MTUS2: variants seen among roughly 807,000 people sequenced by gnomAD.
MTUS2 encodes the protein microtubule-associated tumor suppressor candidate 2.
Under a neutral mutation model 114.1 loss-of-function variants are expected in MTUS2, and 40 were observed. The observed-to-expected ratio is 0.35, with a 90% CI of 0.27 to 0.46. MTUS2 has a LOEUF of 0.46. Among genes scored for constraint, MTUS2 ranks in the 20% least tolerant of loss-of-function variants. MTUS2 has a pLI of 1.00. For synonymous variants in MTUS2, 688 were observed against 672.0 expected (o/e 1.02, Z -0.37); for missense variants, 1,679 against 1,705.4 (o/e 0.98, Z 0.27).
chr13:29,265,276 A>ATT (rs35018779), intron 5 of MTUS2, among the ~76,000 whole-genome samples: 1,989 of 152,252 alleles, frequency 0.013, 28 homozygotes, highest in East Asian at 0.081. Context: ...ATTCCAATAC[A>ATT]TTCCTCATTT....
intron 5 of MTUS2, among the ~76,000 whole-genome samples, chr13:29,162,823 A>G (rs1893155703): frequency 6.6e-6 from 1 of 152,216 alleles, no homozygotes; most frequent in Non-Finnish European, 1.5e-5. Flanking sequence ...CAGCCAGATC[A>G]TCCTCTGAGA....
chr13:28,941,543 T>A (rs1882237432), intron 2 of MTUS2, among the ~76,000 whole-genome samples: 1 of 152,124 alleles, frequency 6.6e-6, no homozygotes, highest in South Asian at 2.1e-4. Flanking sequence ...TATTTTTAAA[T>A]ATTTTTGAAA....
intron 2 of MTUS2, among the ~76,000 whole-genome samples, chr13:28,910,526 C>T (rs1232439813): frequency 6.6e-6 from 1 of 152,106 alleles, no homozygotes; most frequent in Non-Finnish European, 1.5e-5. Context: ...CTTTCTTTTC[C>T]TGATGCTCTT....
At chr13:28,825,357 A>G (rs1183887941) in intron 1 of MTUS2, among the ~76,000 whole-genome samples, 4 of 152,216 alleles carry the variant, frequency 2.6e-5, no homozygotes, top group Non-Finnish European at 5.9e-5. Flanking sequence ...ACTATGATGT[A>G]TAAAAGATGT....
chr13:28,858,979 C>T (rs1341538263), intron 2 of MTUS2, among the ~76,000 whole-genome samples: 1 of 152,090 alleles, frequency 6.6e-6, no homozygotes, highest in Non-Finnish European at 1.5e-5. Flanking sequence ...TAAAGACAGC[C>T]AATAAGTTGG....
chr13:29,206,209 A>G (rs969395524), intron 5 of MTUS2, among the ~76,000 whole-genome samples: 2 of 152,200 alleles, frequency 1.3e-5, no homozygotes, highest in South Asian at 4.2e-4. Flanking sequence ...TTTATATTTG[A>G]GAATTGAGAA....
chr13:29,324,531 C>T (rs569206799), intron 6 of MTUS2, 82 bp from the exon 7 acceptor site: 1 of 1,024,796 alleles, frequency 9.8e-7, no homozygotes, highest in South Asian at 1.5e-5. Flanking sequence ...TTTCTTGAAG[C>T]CACCCTTTCC....
rs140195345 is a variant in MTUS2 at position 28,910,553 on chromosome 13, C to T, written c.-243+70703C>T. Among the ~76,000 whole-genome samples the T allele has an allele frequency of 4.4e-3, 663 of 152,178 alleles. 24 individuals are homozygous for T. Among genetic ancestry groups the T allele is most frequent in the Admixed American group, 0.039 (591 of 15,256 alleles). Reference sequence around the variant, plus strand: ...GATGCTCTTCCTCCCCCCAGCCCCCCAGCAGGCCCCAGTTTGTGTTGTTCC... The same window carrying T: ...GATGCTCTTCCTCCCCCCAGCCCCCTAGCAGGCCCCAGTTTGTGTTGTTCC... On this transcript the variant is annotated intron_variant, in intron 2 of 15. Transcript: ENST00000612955.
chr13:28,966,244 A>G (rs1883577143), intron 2 of MTUS2, among the ~76,000 whole-genome samples: 1 of 152,194 alleles, frequency 6.6e-6, no homozygotes, highest in African/African-American at 2.4e-5. Context: ...TGCAAAAAAA[A>G]TGATTAATTC....
At chr13:28,913,978 T>C (rs1880602281) in intron 2 of MTUS2, among the ~76,000 whole-genome samples, 1 of 152,100 alleles carries the variant, frequency 6.6e-6, no homozygotes, top group African/African-American at 2.4e-5. Flanking sequence ...TCATTTCTGA[T>C]TGTATCTATT....
chr13:28,960,814 C>T (rs1173107237), intron 2 of MTUS2, among the ~76,000 whole-genome samples: 8 of 151,742 alleles, frequency 5.3e-5, no homozygotes, highest in Non-Finnish European at 7.4e-5. Context: ...TACTGAAAAC[C>T]GCTGAATCAT....
intron 5 of MTUS2, among the ~76,000 whole-genome samples, chr13:29,191,740 G>A (rs1436456170): frequency 6.6e-6 from 1 of 152,074 alleles, no homozygotes; most frequent in African/African-American, 2.4e-5. Flanking sequence ...TCAGCCCCAC[G>A]AAGAAAAATA....
At chr13:29,128,544 G>A (rs1208097598) in intron 5 of MTUS2, among the ~76,000 whole-genome samples, 1 of 152,068 alleles carries the variant, frequency 6.6e-6, no homozygotes, top group African/African-American at 2.4e-5. Flanking sequence ...TCTTACGGAA[G>A]GTGAATTATA....
chr13:29,276,171 G>C (rs575181938), intron 5 of MTUS2, among the ~76,000 whole-genome samples: 1 of 152,318 alleles, frequency 6.6e-6, no homozygotes, highest in South Asian at 2.1e-4. Context: ...TGTAGGAACT[G>C]TCCCTGGAGG....
intron 7 of MTUS2, among the ~76,000 whole-genome samples, chr13:29,332,368 G>A (rs181661353): frequency 1.2e-4 from 18 of 152,056 alleles, no homozygotes; most frequent in East Asian, 5.8e-4. Flanking sequence ...TAGTATTCTC[G>A]GATGGTAGTT....
intron 12 of MTUS2, among the ~76,000 whole-genome samples, chr13:29,494,466 C>G (rs1014267802): frequency 2.0e-5 from 3 of 151,800 alleles, no homozygotes; most frequent in African/African-American, 4.8e-5. Flanking sequence ...AATTGCCTGA[C>G]GAGTTTGCTG....
chr13:29,009,800 A>C (rs1885759950), intron 2 of MTUS2, among the ~76,000 whole-genome samples: 2 of 151,902 alleles, frequency 1.3e-5, no homozygotes, highest in African/African-American at 4.8e-5. Flanking sequence ...ATATTTGGTC[A>C]TTTTTTGCTA....
intron 5 of MTUS2, among the ~76,000 whole-genome samples, chr13:29,178,157 G>T (rs1282268939): frequency 1.3e-5 from 2 of 152,082 alleles, no homozygotes; most frequent in African/African-American, 4.8e-5. Flanking sequence ...CGGGCATTTG[G>T]CATATAGGTC....
chr13:28,897,665 A>G (rs536349982), intron 2 of MTUS2, among the ~76,000 whole-genome samples: 2 of 152,130 alleles, frequency 1.3e-5, no homozygotes, highest in Admixed American at 6.6e-5. Flanking sequence ...ATGTCCAACA[A>G]TGATAGACTG....
Sources: allele counts gnomAD v4.1 joint callset (sites outside exome capture counted in the v4.1 genomes callset), GRCh38; gene constraint gnomAD v4.1.1; transcripts MANE v1.5; gene names NCBI Gene and HGNC (gene_info 2026-07-23, HGNC 2026-07-21).